The following MTAP variants were observed in gnomAD, a reference collection of about 807,000 sequenced individuals.
MTAP encodes methylthioadenosine phosphorylase, also known as S-methyl-5'-thioadenosine phosphorylase.
In MTAP, 33 loss-of-function variants were observed where a neutral mutation model predicts 33.6. The observed-to-expected ratio is 0.98, with a 90% CI of 0.74 to 1.31. MTAP has a LOEUF of 1.31. Among genes scored for constraint, MTAP ranks in the 40% most tolerant of loss-of-function variants. The pLI is 0.00. For missense variants in MTAP, 367 were observed against 360.0 expected, an observed-to-expected ratio of 1.02 and a Z score of -0.16; for synonymous variants, 148 against 125.7, an observed-to-expected ratio of 1.18 and a Z score of -1.19.
chr9:21,903,466 C>T (rs1334298345), intron 1 of MTAP, among the ~76,000 whole-genome samples: 1 of 152,150 alleles, frequency 6.6e-6, no homozygotes, highest in Non-Finnish European at 1.5e-5. Flanking sequence ...TTCAACTTCT[C>T]ACATTGCTGC....
At chr9:21,902,172 G>A (rs1818403738) in intron 1 of MTAP, among the ~76,000 whole-genome samples, 1 of 152,170 alleles carries the variant, frequency 6.6e-6, no homozygotes. Context: ...TAAGCCACTA[G>A]GAAAGACACA....
chr9:21,834,385 A>G (rs1358911002), intron 4 of MTAP, among the ~76,000 whole-genome samples: 1 of 152,238 alleles, frequency 6.6e-6, no homozygotes, highest in Admixed American at 6.5e-5. Context: ...GATAAAAATT[A>G]GTCCCCTTGC....
chr9:21,837,462 G>A (rs956798268), intron 4 of MTAP, among the ~76,000 whole-genome samples: 1 of 152,194 alleles, frequency 6.6e-6, no homozygotes, highest in Non-Finnish European at 1.5e-5. Flanking sequence ...ATTTGTGTTT[G>A]TGAAAAAGCT....
exon 2 of MTAP, chr9:21,931,065 T>A (rs759660686): frequency 3.9e-6 from 3 of 764,330 alleles, no homozygotes; most frequent in Non-Finnish European, 7.2e-6. Flanking sequence ...TATTCAAGAG[T>A]CACCCTTCTA....
chr9:21,823,432 A>G (rs1156679110), intron 4 of MTAP, among the ~76,000 whole-genome samples: 1 of 152,204 alleles, frequency 6.6e-6, no homozygotes, highest in Non-Finnish European at 1.5e-5. Context: ...AGAATGTTGA[A>G]TATTGGCCCC....
At chr9:21,897,269 A>G (rs1183348457) in intron 1 of MTAP, among the ~76,000 whole-genome samples, 3 of 152,198 alleles carry the variant, frequency 2.0e-5, no homozygotes, top group Non-Finnish European at 4.4e-5. Flanking sequence ...CCCACAGCCA[A>G]TATCATACTG....
At chr9:21,896,509 A>G (rs543535437) in intron 1 of MTAP, among the ~76,000 whole-genome samples, 15 of 152,296 alleles carry the variant, frequency 9.8e-5, no homozygotes, top group African/African-American at 3.6e-4. Context: ...TAAAGAAGAA[A>G]AGAGAGAAGA....
downstream of MTAP, chr9:21,931,956 A>T (rs1369780159): frequency 6.6e-6 from 1 of 152,240 alleles, no homozygotes; most frequent in Non-Finnish European, 1.5e-5. Flanking sequence ...ACTTGAGCCC[A>T]GAAGGTTAAG....
rs1228496919 is a variant in MTAP, at chr9:21,862,949, C to T, written c.*935C>T. On this transcript the variant is annotated 3_prime_UTR_variant, in exon 8 of 8. Coordinates refer to ENST00000644715, the MANE Select transcript of MTAP (RefSeq NM_002451.4). ...AAATAAAAGTGGATTTAGAAAGATC[C>T]AGTTCTTGAAAACACTGTTTCTGGT... The T allele has an allele frequency of 2.0e-6, 2 of 982,060 alleles. No homozygotes were observed. Among genetic ancestry groups the T allele is most frequent in the African/African-American group, 1.8e-5 (1 of 57,082 alleles). 60.8% of individuals were successfully genotyped at this position (982,060 alleles called of 1,614,324 possible).
intron 5 of MTAP, among the ~76,000 whole-genome samples, chr9:21,846,858 A>C (rs1825397719): frequency 6.6e-6 from 1 of 152,238 alleles, no homozygotes; most frequent in Non-Finnish European, 1.5e-5. Context: ...ATGAGTGAAT[A>C]AAGAAAATAT....
downstream of MTAP, chr9:21,931,969 T>A (rs1818966616): frequency 2.0e-5 from 3 of 152,192 alleles, no homozygotes. Flanking sequence ...AGGTTAAGGC[T>A]GCGGTGAGCC....
chr9:21,862,782 C>CA lies in MTAP; in HGVS notation c.*775dup, dbSNP rs58147941. 7,671 of 287,504 alleles carry CA rather than the reference C, an allele frequency of 0.027. 607 individuals are homozygous for CA. The highest frequency in any genetic ancestry group is 0.16 in the African/African-American group (7,171 of 43,504). 17.8% of individuals were successfully genotyped at this position (287,504 alleles called of 1,614,324 possible). A position where few individuals can be genotyped will look rare whatever the true frequency, so the allele number is the denominator to read the frequency against. On this transcript the variant is annotated 3_prime_UTR_variant, in exon 8 of 8. Coordinates refer to ENST00000644715, the MANE Select transcript of MTAP (RefSeq NM_002451.4). The stretch of plus-strand genomic sequence containing the variant: ...TGCTTTAAAATGCTATGTAAATATA[C>CA]AAAAAAACTAGAAAGAAATATATAT...
intron 5 of MTAP, among the ~76,000 whole-genome samples, chr9:21,850,672 C>G (rs1316357259): frequency 6.6e-6 from 1 of 152,240 alleles, no homozygotes; most frequent in Non-Finnish European, 1.5e-5. Flanking sequence ...TTTCGAGAGA[C>G]TGTCCTTGGC....
At position 21,844,806 on chromosome 9, in the gene MTAP, G is replaced by GGGC. The variant is rs554488866; in HGVS notation, c.450+6799_450+6801dup. 4.8e-4 allele frequency among the ~76,000 whole-genome samples: 73 copies of GGGC among 152,236 alleles called. No individual in the cohort carries two copies. In the South Asian group the frequency reaches 0.015, roughly 31 times the overall value. On this transcript the variant is annotated intron_variant, in intron 5 of 7. Transcript: ENST00000644715. ...TCCCAGCACTTTGGGAGGCCAAGGC[G>GGGC]GGCGGATCACAAGGTCAGATCGAGA...
intron 1 of MTAP, among the ~76,000 whole-genome samples, chr9:21,902,755 C>G (rs980652968): frequency 2.6e-5 from 4 of 152,162 alleles, no homozygotes; most frequent in Non-Finnish European, 4.4e-5. Flanking sequence ...ATTCTTGGAT[C>G]TACCAGAACA....
chr9:21,803,171 C>T (rs1251365751), intron 1 of MTAP: 7 of 401,774 alleles, frequency 1.7e-5, no homozygotes, highest in Admixed American at 4.5e-5. Flanking sequence ...GAAAGACACC[C>T]GGCTGGAGTC....
intron 1 of MTAP, among the ~76,000 whole-genome samples, chr9:21,915,418 ATATTTCATTT>A (rs1818671870): frequency 6.6e-6 from 1 of 151,894 alleles, no homozygotes; most frequent in South Asian, 2.1e-4. Context: ...TGGCTGAATG[ATATTTCATTT>A]TATGGTTATA....
At chr9:21,915,656 G>A (rs554270834) in intron 1 of MTAP, among the ~76,000 whole-genome samples, 2 of 152,092 alleles carry the variant, frequency 1.3e-5, no homozygotes, top group African/African-American at 4.8e-5. Flanking sequence ...GTATAAAGAG[G>A]AGTGATATAA....
chr9:21,915,156 C>G (rs1422183137), intron 1 of MTAP, among the ~76,000 whole-genome samples: 1 of 151,112 alleles, frequency 6.6e-6, no homozygotes, highest in Non-Finnish European at 1.5e-5. Flanking sequence ...GATCTTGGCT[C>G]ACTGCAAGCT....
Sources: allele counts gnomAD v4.1 joint callset (sites outside exome capture counted in the v4.1 genomes callset), GRCh38; gene constraint gnomAD v4.1.1; transcripts MANE v1.5; gene names NCBI Gene and HGNC (gene_info 2026-07-23, HGNC 2026-07-21).